The following SKAP2 variants were observed in gnomAD, a reference collection of about 807,000 sequenced individuals.
The protein encoded by SKAP2 is src kinase-associated phosphoprotein 2.
A neutral mutation model predicts 54.9 loss-of-function variants in SKAP2; 28 were observed. The ratio of observed to expected loss-of-function variants is 0.51; its 90% CI spans 0.38 to 0.70. The LOEUF (loss-of-function observed/expected upper bound fraction) is 0.70. Among genes scored for constraint, SKAP2 ranks in the 30% least tolerant of loss-of-function variants. The probability of loss-of-function intolerance (pLI) is 0.00; values close to 1 mark genes in which losing one functional copy is unlikely to be tolerated. For synonymous variants in SKAP2, 137 were observed against 134.3 expected, an observed-to-expected ratio of 1.02 and a Z score of -0.14; for missense variants, 356 against 424.1, an observed-to-expected ratio of 0.84 and a Z score of 1.41.
chr7:26,725,587 G>A (rs1032311537), intron 8 of SKAP2, 22 bp from the exon 9 acceptor site: 1 of 1,549,848 alleles, frequency 6.5e-7, no homozygotes, highest in Non-Finnish European at 8.7e-7. Flanking sequence ...ATTTCATGAA[G>A]TAAATTTTAA....
intron 4 of SKAP2, among the ~76,000 whole-genome samples, chr7:26,752,691 C>G (rs1782711970): frequency 1.3e-5 from 2 of 152,170 alleles, no homozygotes; most frequent in South Asian, 4.1e-4. Flanking sequence ...TATCCTTTAA[C>G]AAGCAGCCAG....
chr7:26,779,793 TA>T (rs1463197695), intron 4 of SKAP2, among the ~76,000 whole-genome samples: 1 of 152,046 alleles, frequency 6.6e-6, no homozygotes. Context: ...AGTCTGCTTT[TA>T]AAAAACAAGT....
Position 26,737,166 on chromosome 7 carries a change from C to T in SKAP2, c.469+1629G>A, listed in dbSNP as rs1024773795. ...TCACAAGGATCTGAAACCTCCCTCCCCTGGTCTGGTGAAAAAGAGGATATT... is the reference window on the plus strand; with the variant it reads ...TCACAAGGATCTGAAACCTCCCTCCTCTGGTCTGGTGAAAAAGAGGATATT... On this transcript the variant is annotated intron_variant, in intron 6 of 12. Transcript: ENST00000345317. Among the ~76,000 whole-genome samples, 4 of 152,174 alleles carry T rather than the reference C, an allele frequency of 2.6e-5. No homozygotes were observed. In the South Asian group the frequency reaches 8.3e-4, roughly 32 times the overall value.
intron 4 of SKAP2, among the ~76,000 whole-genome samples, chr7:26,828,602 G>A (rs1352882829): frequency 1.3e-5 from 2 of 150,836 alleles, no homozygotes; most frequent in African/African-American, 4.9e-5. Flanking sequence ...GCGTGAACCT[G>A]GGAGGCAGAG....
chr7:26,788,621 C>T (rs959683647), intron 4 of SKAP2, among the ~76,000 whole-genome samples: 1 of 151,908 alleles, frequency 6.6e-6, no homozygotes, highest in Non-Finnish European at 1.5e-5. Flanking sequence ...TTTATAATAG[C>T]TCAAAAGAAA....
chr7:26,672,333 G>A (rs1786260831), intron 11 of SKAP2, among the ~76,000 whole-genome samples: 1 of 151,984 alleles, frequency 6.6e-6, no homozygotes, highest in Non-Finnish European at 1.5e-5. Flanking sequence ...ATCAACAAGG[G>A]CAGACTTCAC....
intron 11 of SKAP2, among the ~76,000 whole-genome samples, chr7:26,679,046 C>T (rs951658308): frequency 3.9e-5 from 6 of 152,148 alleles, no homozygotes; most frequent in African/African-American, 1.4e-4. Context: ...TGTTTTGCTG[C>T]TGCCAAACTC....
chr7:26,705,378 A>G (rs1311338542), intron 9 of SKAP2, among the ~76,000 whole-genome samples: 1 of 152,216 alleles, frequency 6.6e-6, no homozygotes, highest in Non-Finnish European at 1.5e-5. Flanking sequence ...TAATTAAGGG[A>G]TCATTCAATG....
At chr7:26,663,794 G>T (rs1220847944), downstream of SKAP2, among the ~76,000 whole-genome samples, 1 of 152,250 alleles carries the variant, frequency 6.6e-6, no homozygotes, top group Non-Finnish European at 1.5e-5. Flanking sequence ...TTAGAAAAGG[G>T]TCAGTTTGGC....
At chr7:26,708,645 A>C (rs1379325967) in intron 9 of SKAP2, among the ~76,000 whole-genome samples, 1 of 152,156 alleles carries the variant, frequency 6.6e-6, no homozygotes, top group Non-Finnish European at 1.5e-5. Context: ...CATATTTCTT[A>C]CTGGGTATGA....
chr7:26,667,849 T>G lies in SKAP2; in HGVS notation c.*1817A>C, dbSNP rs1786137102. ...ACATTGTCATGGGAAACAACGGCTT[T>G]TGCTTTTCAGCTGCTCAAGTTTTGA... On this transcript the variant is annotated 3_prime_UTR_variant, in exon 13 of 13. Coordinates refer to ENST00000345317, the MANE Select transcript of SKAP2 (RefSeq NM_003930.5). The G allele has an allele frequency of 6.6e-6, 1 of 152,414 alleles. No individual in the cohort carries two copies. Among genetic ancestry groups the G allele is most frequent in the Admixed American group, 6.5e-5 (1 of 15,302 alleles). The allele number at this position is 152,414 out of a possible 1,614,324, so 9.4% of individuals were successfully genotyped here. A position where few individuals can be genotyped will look rare whatever the true frequency, so the allele number is the denominator to read the frequency against.
chr7:26,858,976 A>G (rs999687608), intron 1 of SKAP2, among the ~76,000 whole-genome samples: 3 of 152,100 alleles, frequency 2.0e-5, no homozygotes, highest in Non-Finnish European at 2.9e-5. Flanking sequence ...CAACCACCCA[A>G]TACCTCCTGG....
chr7:26,768,752 A>G (rs185133960), intron 4 of SKAP2, among the ~76,000 whole-genome samples: 4 of 152,130 alleles, frequency 2.6e-5, no homozygotes, highest in Non-Finnish European at 5.9e-5. Context: ...TGGGTTGAAA[A>G]TTCTTTTCTT....
At chr7:26,801,556 G>C (rs1269983622) in intron 4 of SKAP2, among the ~76,000 whole-genome samples, 1 of 152,138 alleles carries the variant, frequency 6.6e-6, no homozygotes, top group Admixed American at 6.5e-5. Context: ...TGGAAAGGAG[G>C]AAGTCAAACT....
At chr7:26,856,368 T>C (rs769656159) in intron 1 of SKAP2, among the ~76,000 whole-genome samples, 69 of 152,204 alleles carry the variant, frequency 4.5e-4, no homozygotes, top group Non-Finnish European at 6.3e-4. Flanking sequence ...CAGCTTCCCT[T>C]TCCTTGAGTT....
At chr7:26,771,755 C>CA (rs1562604808) in intron 4 of SKAP2, among the ~76,000 whole-genome samples, 1 of 151,968 alleles carries the variant, frequency 6.6e-6, no homozygotes, top group East Asian at 1.9e-4. Context: ...GTGTATAAAG[C>CA]AAAAATCAAT....
intron 4 of SKAP2, among the ~76,000 whole-genome samples, chr7:26,834,725 C>T (rs531590470): frequency 3.9e-5 from 6 of 152,134 alleles, no homozygotes; most frequent in South Asian, 2.1e-4. Flanking sequence ...CCAAAAAAGG[C>T]CCAGGACCAG....
chr7:26,723,872 C>A (rs985880071), intron 9 of SKAP2, among the ~76,000 whole-genome samples: 4 of 152,004 alleles, frequency 2.6e-5, no homozygotes, highest in African/African-American at 9.7e-5. Flanking sequence ...TATGAGTATA[C>A]ATTCTCACAA....
chr7:26,679,432 G>A (rs1786433325), intron 11 of SKAP2, among the ~76,000 whole-genome samples: 1 of 152,190 alleles, frequency 6.6e-6, no homozygotes, highest in Non-Finnish European at 1.5e-5. Flanking sequence ...TAAATAGGAG[G>A]TTGGCCTGGT....
Sources: gnomAD v4.1 joint callset for allele counts (sites outside exome capture counted in the v4.1 genomes callset) on GRCh38, gnomAD v4.1.1 for gene constraint, MANE v1.5 for transcripts, NCBI Gene and HGNC (gene_info 2026-07-23, HGNC 2026-07-21) for gene names.